MNAT1: variants seen among roughly 807,000 people sequenced by gnomAD.
MNAT1 encodes CDK-activating kinase assembly factor MAT1.
Under a neutral mutation model 42.0 loss-of-function variants are expected in MNAT1, and 43 were observed. The ratio of observed to expected loss-of-function variants is 1.02; its 90% CI spans 0.80 to 1.32. MNAT1 has a LOEUF of 1.32. Among genes scored for constraint, MNAT1 ranks in the 40% most tolerant of loss-of-function variants. The probability of loss-of-function intolerance (pLI) is 0.00; values close to 1 mark genes in which losing one functional copy is unlikely to be tolerated. For missense variants in MNAT1, 306 were observed against 350.4 expected, an observed-to-expected ratio of 0.87 and a Z score of 1.01; for synonymous variants, 118 against 120.0, an observed-to-expected ratio of 0.98 and a Z score of 0.11.
intron 1 of MNAT1, among the ~76,000 whole-genome samples, chr14:60,738,757 A>T (rs1192550289): frequency 2.0e-5 from 3 of 150,440 alleles, no homozygotes; most frequent in Non-Finnish European, 3.0e-5. Context: ...CTGGTCTTGA[A>T]CTCCCGACCT....
chr14:60,858,516 G>T (rs1490798216), intron 6 of MNAT1, among the ~76,000 whole-genome samples: 2 of 151,186 alleles, frequency 1.3e-5, no homozygotes, highest in African/African-American at 4.9e-5. Context: ...CTCCCATTCT[G>T]TAGGTTGCCT....
intron 7 of MNAT1, among the ~76,000 whole-genome samples, chr14:60,916,373 G>A (rs1487254296): frequency 2.0e-5 from 3 of 152,148 alleles, no homozygotes; most frequent in Non-Finnish European, 2.9e-5. Context: ...GTAAGCATTG[G>A]GCCAGGTGCT....
chr14:60,892,918 A>G (rs2034875984), intron 7 of MNAT1, among the ~76,000 whole-genome samples: 1 of 152,132 alleles, frequency 6.6e-6, no homozygotes, highest in South Asian at 2.1e-4. Context: ...ATCTTTATAT[A>G]TTGTGTGTCC....
At chr14:60,818,164 A>G (rs1243450812) in intron 5 of MNAT1, among the ~76,000 whole-genome samples, 1 of 152,026 alleles carries the variant, frequency 6.6e-6, no homozygotes. Context: ...TTAATATATT[A>G]AAATGTTTAA....
intron 7 of MNAT1, among the ~76,000 whole-genome samples, chr14:60,888,029 A>G (rs1200869369): frequency 1.3e-5 from 2 of 150,110 alleles, no homozygotes; most frequent in South Asian, 2.1e-4. Flanking sequence ...ACAAGGAGGA[A>G]CTGGTACCAT....
chr14:60,872,298 C>T (rs911250587), intron 6 of MNAT1, among the ~76,000 whole-genome samples: 1 of 152,148 alleles, frequency 6.6e-6, no homozygotes, highest in Non-Finnish European at 1.5e-5. Flanking sequence ...GCTCCAGTCC[C>T]ATGACCCAAA....
In MNAT1 at chr14:60,796,210, C is replaced by T; in HGVS notation, c.90-7C>T. The T allele has an allele frequency of 6.2e-7, 1 of 1,608,594 alleles. No individual in the cohort carries two copies. The highest frequency in any genetic ancestry group is 8.5e-7 in the Non-Finnish European group (1 of 1,177,494). On this transcript the variant is annotated splice_region_variant and splice_polypyrimidine_tract_variant and intron_variant, in intron 1 of 7. Coordinates refer to ENST00000261245, the MANE Select transcript of MNAT1 (RefSeq NM_002431.4). The stretch of plus-strand genomic sequence containing the variant: ...TTAAATGTTATGTTTTATTTCTGTC[C>T]TTACAGCTGTGAAAGTTGTGTAGAT...
rs571692272 is a variant in MNAT1 at position 60,908,513 on chromosome 14, C to T, written c.809+28678C>T. ...ACAGGCCCCGGTGTGTGATGTTCCCCTTCCTGTGTCCATGTGTTCTCATTG... is the reference window on the plus strand; with the variant it reads ...ACAGGCCCCGGTGTGTGATGTTCCCTTTCCTGTGTCCATGTGTTCTCATTG... On this transcript the variant is annotated intron_variant, in intron 7 of 7. Transcript: ENST00000261245. 4.0e-5 allele frequency among the ~76,000 whole-genome samples: 6 copies of T among 151,860 alleles called. No homozygotes were observed. In the East Asian group the frequency reaches 9.7e-4, roughly 25 times the overall value.
At chr14:60,750,419 A>G (rs368410407) in intron 1 of MNAT1, among the ~76,000 whole-genome samples, 151 of 150,648 alleles carry the variant, frequency 1.0e-3, no homozygotes, top group African/African-American at 3.6e-3. Context: ...ATTAGTAGAG[A>G]TAGGGTTTCA....
At chr14:60,910,398 G>T (rs984890098) in intron 7 of MNAT1, among the ~76,000 whole-genome samples, 26 of 152,124 alleles carry the variant, frequency 1.7e-4, no homozygotes, top group Non-Finnish European at 2.8e-4. Context: ...TCCCTGTCTT[G>T]TGCCAGTTTT....
At chr14:60,856,054 T>A (rs1201935822) in intron 6 of MNAT1, among the ~76,000 whole-genome samples, 1 of 152,180 alleles carries the variant, frequency 6.6e-6, no homozygotes, top group Non-Finnish European at 1.5e-5. Context: ...GTCACATATG[T>A]CTGACTTTAA....
At chr14:60,769,867 G>C (rs1229480630) in intron 1 of MNAT1, among the ~76,000 whole-genome samples, 2 of 152,070 alleles carry the variant, frequency 1.3e-5, no homozygotes, top group African/African-American at 4.8e-5. Flanking sequence ...GTCTTGATAT[G>C]TTGCCCAGGC....
intron 6 of MNAT1, among the ~76,000 whole-genome samples, chr14:60,833,946 T>G (rs1423534680): frequency 1.3e-5 from 2 of 152,222 alleles, no homozygotes. Flanking sequence ...CTTGTAGACT[T>G]TCTAGTTTAT....
intron 6 of MNAT1, among the ~76,000 whole-genome samples, chr14:60,868,144 A>G (rs2034246769): frequency 6.6e-6 from 1 of 152,186 alleles, no homozygotes; most frequent in East Asian, 1.9e-4. Context: ...ATATTCTTTA[A>G]GTACTCTATC....
intron 7 of MNAT1, among the ~76,000 whole-genome samples, chr14:60,889,026 A>C (rs2139481875): frequency 6.8e-6 from 1 of 146,074 alleles, no homozygotes; most frequent in African/African-American, 2.5e-5. Context: ...ATACTGCCCA[A>C]GGTAATTTAT....
At chr14:60,818,655 A>C in intron 5 of MNAT1, 67 bp from the exon 6 acceptor site, 1 of 1,365,430 alleles carries the variant, frequency 7.3e-7, no homozygotes, top group Non-Finnish European at 9.8e-7. Context: ...ATAATTTAAA[A>C]TAAAAGTCTT....
intron 7 of MNAT1, 94 bp from the exon 8 acceptor site, chr14:60,968,127 ATTCCTCTT>A (rs1448383260): frequency 1.2e-6 from 1 of 828,084 alleles, no homozygotes; most frequent in Admixed American, 2.4e-5. Flanking sequence ...CAATCTCGGA[ATTCCTCTT>A]TAAAACTTGA....
intron 7 of MNAT1, chr14:60,919,477 A>G (rs1282657365): frequency 1.3e-5 from 2 of 153,952 alleles, no homozygotes; most frequent in Non-Finnish European, 2.9e-5. Context: ...AGTGGCATGC[A>G]GAATTGCTGC....
intron 7 of MNAT1, among the ~76,000 whole-genome samples, chr14:60,963,806 G>A (rs2036637417): frequency 6.6e-6 from 1 of 152,098 alleles, no homozygotes. Context: ...TCTCCATAGG[G>A]CCCGGTAATT....
Sources: allele counts gnomAD v4.1 joint callset (sites outside exome capture counted in the v4.1 genomes callset), GRCh38; gene constraint gnomAD v4.1.1; transcripts MANE v1.5; gene names NCBI Gene and HGNC (gene_info 2026-07-23, HGNC 2026-07-21).